The following NDNF variants were observed in gnomAD, a reference collection of about 807,000 sequenced individuals.
NDNF encodes the protein neuron derived neurotrophic factor.
A neutral mutation model predicts 42.0 loss-of-function variants in NDNF; 16 were observed. The ratio of observed to expected loss-of-function variants is 0.38; its 90% CI spans 0.26 to 0.58. NDNF has a LOEUF of 0.58. Among genes scored for constraint, NDNF ranks in the 20% least tolerant of loss-of-function variants. The probability of loss-of-function intolerance (pLI) is 0.67; values close to 1 mark genes in which losing one functional copy is unlikely to be tolerated. For missense variants in NDNF, 616 were observed against 666.2 expected, an observed-to-expected ratio of 0.92 and a Z score of 0.83; for synonymous variants, 248 against 251.7, an observed-to-expected ratio of 0.99 and a Z score of 0.14.
At chr4:121,061,806 G>T (rs1437105189) in intron 1 of NDNF, among the ~76,000 whole-genome samples, 1 of 152,186 alleles carries the variant, frequency 6.6e-6, no homozygotes, top group Non-Finnish European at 1.5e-5. Context: ...TCAACTTAGA[G>T]TAAGATCTGA....
At chr4:121,040,202 A>C (rs1726974534) in intron 2 of NDNF, 148 bp from the exon 3 acceptor site, 1 of 800,112 alleles carries the variant, frequency 1.2e-6, no homozygotes, top group Non-Finnish European at 1.8e-6. Context: ...TTTTCCCTTA[A>C]CACAGTTTAA....
intron 1 of NDNF, among the ~76,000 whole-genome samples, chr4:121,046,922 C>A (rs1202565503): frequency 2.6e-5 from 4 of 152,086 alleles, no homozygotes; most frequent in Admixed American, 6.6e-5. Context: ...TTTTTCCTCA[C>A]AGAAAGAAAT....
At chr4:121,047,429 C>G (rs1727113026) in intron 1 of NDNF, among the ~76,000 whole-genome samples, 1 of 152,160 alleles carries the variant, frequency 6.6e-6, no homozygotes, top group South Asian at 2.1e-4. Context: ...TAGCTGCTAT[C>G]CTATGCAAAA....
intron 1 of NDNF, among the ~76,000 whole-genome samples, chr4:121,051,359 G>A (rs1214627876): frequency 3.3e-5 from 5 of 152,100 alleles, no homozygotes; most frequent in Non-Finnish European, 5.9e-5. Flanking sequence ...ACAATTCTAA[G>A]CCTTTCTTTA....
intron 1 of NDNF, among the ~76,000 whole-genome samples, chr4:121,060,022 T>G (rs1727375861): frequency 6.6e-6 from 1 of 152,238 alleles, no homozygotes; most frequent in African/African-American, 2.4e-5. Context: ...TAGAACTTTC[T>G]AATCTTTAAT....
At chr4:121,062,083 C>A (rs896209646) in intron 1 of NDNF, among the ~76,000 whole-genome samples, 1 of 152,214 alleles carries the variant, frequency 6.6e-6, no homozygotes, top group African/African-American at 2.4e-5. Context: ...TCTTGACTTG[C>A]TCTTAAAACA....
At chr4:121,044,509 T>A (rs1458141378) in intron 2 of NDNF, among the ~76,000 whole-genome samples, 3 of 149,422 alleles carry the variant, frequency 2.0e-5, no homozygotes, top group African/African-American at 4.9e-5. Flanking sequence ...TATTTTTATT[T>A]TATATATATA....
chr4:121,048,247 G>A (rs1006959138), intron 1 of NDNF, among the ~76,000 whole-genome samples: 3 of 152,172 alleles, frequency 2.0e-5, no homozygotes, highest in African/African-American at 4.8e-5. Context: ...CTAGAATTTC[G>A]CTTTCTGTAC....
At chr4:121,069,363 C>T (rs2148773908) in intron 1 of NDNF, among the ~76,000 whole-genome samples, 1 of 152,288 alleles carries the variant, frequency 6.6e-6, no homozygotes, top group Middle Eastern at 3.4e-3. Flanking sequence ...GGATATTTTT[C>T]AATTACATAT....
intron 1 of NDNF, among the ~76,000 whole-genome samples, chr4:121,070,233 A>G (rs556858480): frequency 4.0e-5 from 1 of 25,300 alleles, no homozygotes; most frequent in South Asian, 9.3e-4. Flanking sequence ...ACAATAATGA[A>G]TAATCATACC....
intron 1 of NDNF, among the ~76,000 whole-genome samples, chr4:121,063,140 C>T (rs1015001268): frequency 1.3e-5 from 2 of 152,118 alleles, no homozygotes; most frequent in African/African-American, 2.4e-5. Context: ...CAACTCTTGC[C>T]TCTCAAGAAT....
chr4:121,054,026 A>G (rs1291703975), intron 1 of NDNF, among the ~76,000 whole-genome samples: 1 of 152,198 alleles, frequency 6.6e-6, no homozygotes, highest in African/African-American at 2.4e-5. Context: ...TCAATAAAAA[A>G]ATATTGAGTC....
intron 1 of NDNF, chr4:121,071,596 A>G (rs1215113122): frequency 6.6e-6 from 1 of 152,294 alleles, no homozygotes; most frequent in Non-Finnish European, 1.5e-5. Flanking sequence ...TGTCCAGGCT[A>G]AGTCCGGGAT....
intron 1 of NDNF, among the ~76,000 whole-genome samples, chr4:121,070,557 G>T (rs1002289212): frequency 6.6e-6 from 1 of 152,124 alleles, no homozygotes; most frequent in Non-Finnish European, 1.5e-5. Flanking sequence ...GGTTCAGGAA[G>T]CGAGGCAGCA....
At chr4:121,047,917 G>A (rs1727122083) in intron 1 of NDNF, among the ~76,000 whole-genome samples, 1 of 152,188 alleles carries the variant, frequency 6.6e-6, no homozygotes, top group African/African-American at 2.4e-5. Flanking sequence ...CAGTAGACAA[G>A]GGCTATGTCT....
chr4:121,042,360 T>C (rs2148764319), intron 2 of NDNF, among the ~76,000 whole-genome samples: 1 of 152,318 alleles, frequency 6.6e-6, no homozygotes, highest in East Asian at 1.9e-4. Flanking sequence ...GAAATACAAG[T>C]ACTTCCCCCA....
In NDNF at chr4:121,045,718, A is replaced by T; in HGVS notation, c.120T>A (p.Phe40Leu). 1.2e-6 allele frequency: 2 copies of T among 1,614,182 alleles called. No individual in the cohort carries two copies. Among genetic ancestry groups the T allele is most frequent in the Non-Finnish European group, 8.5e-7 (1 of 1,180,010 alleles). ...FQMQIRDKAFFHDSSVIPDGA... is the reference protein window; with the variant it reads ...FQMQIRDKAFLHDSSVIPDGA... Reference sequence around the variant, plus strand: ...CATCTGGAATTACTGACGAATCATGAAAAAATGCCTTGTCCCGGATCTGCA... The same window carrying T: ...CATCTGGAATTACTGACGAATCATGTAAAAATGCCTTGTCCCGGATCTGCA... The change falls in exon 2 of 4, where the codon TTT becomes TTA. Residue 40 changes from phenylalanine to leucine, a missense_variant. Phe to Leu is a conservative substitution (Grantham distance 22). Transcript: ENST00000379692.
intron 2 of NDNF, 68 bp downstream of exon 2, chr4:121,045,582 G>A (rs1727075798): frequency 7.4e-7 from 1 of 1,357,594 alleles, no homozygotes; most frequent in Non-Finnish European, 1.0e-6. Context: ...TAAGTCTAAA[G>A]GTTACTCTCT....
In NDNF at chr4:121,037,062, A is replaced by C; in HGVS notation, c.909T>G (p.Asp303Glu). ...AGTAGTACTGCGTGTCGGGTTTCAGATCAGAGACGGTGAAGATGTTCTTGT... is the reference window on the plus strand; with the variant it reads ...AGTAGTACTGCGTGTCGGGTTTCAGCTCAGAGACGGTGAAGATGTTCTTGT... The part of the protein sequence containing the change: ...IGNKNIFTVS[D>E]LKPDTQYYFD... The change falls in exon 4 of 4, where the codon GAT (aspartate) becomes GAG (glutamate). Residue 303 changes from aspartate (D) to glutamate (E), a missense_variant. Coordinates refer to ENST00000379692, the MANE Select transcript of NDNF (RefSeq NM_024574.4). 6.2e-7 allele frequency: 1 copy of C among 1,613,930 alleles called. No individual in the cohort carries two copies.
Sources: allele counts gnomAD v4.1 joint callset (sites outside exome capture counted in the v4.1 genomes callset), GRCh38; gene constraint gnomAD v4.1.1; transcripts MANE v1.5; gene names NCBI Gene and HGNC (gene_info 2026-07-23, HGNC 2026-07-21).